SAMMSON: variants seen among roughly 807,000 people sequenced by gnomAD.
SAMMSON encodes survival associated mitochondrial melanoma specific oncogenic non-coding RNA.
intron 4 of SAMMSON, among the ~76,000 whole-genome samples, chr3:70,138,467 A>C (rs961544469): frequency 6.6e-6 from 1 of 152,068 alleles, no homozygotes; most frequent in African/African-American, 2.4e-5. Context: ...TTTTTTTGTA[A>C]TCCCATTCAT....
chr3:70,008,485 T>A (rs1156586355), intron 1 of SAMMSON, among the ~76,000 whole-genome samples: 6 of 152,218 alleles, frequency 3.9e-5, no homozygotes, highest in South Asian at 2.1e-4. Flanking sequence ...TGCACATTGA[T>A]TTTGTATCCT....
At chr3:70,007,400 G>A (rs1409281946) in intron 1 of SAMMSON, among the ~76,000 whole-genome samples, 1 of 152,206 alleles carries the variant, frequency 6.6e-6, no homozygotes, top group Non-Finnish European at 1.5e-5. Context: ...GATGGCCAGT[G>A]ATGATGAGCA....
intron 3 of SAMMSON, among the ~76,000 whole-genome samples, chr3:70,041,958 G>A (rs1268825682): frequency 2.0e-5 from 3 of 152,042 alleles, no homozygotes; most frequent in African/African-American, 7.2e-5. Flanking sequence ...CAATCTACAG[G>A]TTTTGACCCA....
chr3:70,323,928 A>G (rs2106718580), intron 7 of SAMMSON, among the ~76,000 whole-genome samples: 1 of 152,108 alleles, frequency 6.6e-6, no homozygotes, highest in South Asian at 2.1e-4. Context: ...GGCAGGGAGA[A>G]CTGACACAGC....
chr3:70,347,776 C>G (rs574827136), intron 7 of SAMMSON, among the ~76,000 whole-genome samples: 1 of 152,316 alleles, frequency 6.6e-6, no homozygotes, highest in Admixed American at 6.5e-5. Flanking sequence ...GGAGCAGCGG[C>G]TCACTCCTGT....
chr3:70,192,960 C>T (rs6549296), intron 4 of SAMMSON, among the ~76,000 whole-genome samples: 82,389 of 151,962 alleles, frequency 0.54, 22,835 homozygotes, highest in Non-Finnish European at 0.59. Flanking sequence ...CTGTGCCTTA[C>T]GGATGTTTAG....
At chr3:70,235,957 A>G (rs1194464663) in intron 4 of SAMMSON, among the ~76,000 whole-genome samples, 1 of 152,180 alleles carries the variant, frequency 6.6e-6, no homozygotes, top group Non-Finnish European at 1.5e-5. Flanking sequence ...CACCATCATG[A>G]TTCTGTCTTC....
intron 4 of SAMMSON, among the ~76,000 whole-genome samples, chr3:70,180,229 G>A (rs963610314): frequency 2.0e-5 from 3 of 152,132 alleles, no homozygotes; most frequent in Admixed American, 1.3e-4. Flanking sequence ...TAGATAAAAT[G>A]AGTATAGTAA....
intron 3 of SAMMSON, among the ~76,000 whole-genome samples, chr3:70,046,859 GC>G (rs751224181): frequency 6.6e-6 from 1 of 151,972 alleles, no homozygotes; most frequent in Non-Finnish European, 1.5e-5. Context: ...CTCAAAGTCA[GC>G]CCTGTTCATC....
intron 6 of SAMMSON, among the ~76,000 whole-genome samples, chr3:70,255,889 G>C (rs9884082): frequency 6.6e-6 from 1 of 152,182 alleles, no homozygotes; most frequent in Non-Finnish European, 1.5e-5. Flanking sequence ...GGTGCAAACT[G>C]TGTGGATCCT....
chr3:70,013,748 A>C (rs1226794141), intron 3 of SAMMSON: 2 of 152,188 alleles, frequency 1.3e-5, no homozygotes, highest in African/African-American at 4.8e-5. Context: ...TTTTGCATGA[A>C]TTTTTAAGAA....
At chr3:70,149,473 CAA>C (rs1445485629) in intron 4 of SAMMSON, among the ~76,000 whole-genome samples, 1 of 152,022 alleles carries the variant, frequency 6.6e-6, no homozygotes, top group East Asian at 1.9e-4. Flanking sequence ...ATTAAAGATG[CAA>C]ATTATCAGGA....
chr3:70,245,673 A>ATATG (rs1701700097), intron 4 of SAMMSON, among the ~76,000 whole-genome samples: 2 of 50,330 alleles, frequency 4.0e-5, no homozygotes, highest in East Asian at 1.3e-3. Context: ...AAACTGCTTT[A>ATATG]TATATATATA....
At chr3:70,092,471 G>A (rs757718284) in intron 4 of SAMMSON, among the ~76,000 whole-genome samples, 4 of 143,594 alleles carry the variant, frequency 2.8e-5, no homozygotes, top group Non-Finnish European at 4.5e-5. Flanking sequence ...TAAAGCTTTC[G>A]TCTCATTGTT....
intron 3 of SAMMSON, among the ~76,000 whole-genome samples, chr3:70,025,926 A>G (rs1048376085): frequency 2.6e-5 from 4 of 152,166 alleles, no homozygotes; most frequent in African/African-American, 4.8e-5. Context: ...CATCATCTTC[A>G]TATTGAGTAG....
Position 70,241,290 on chromosome 3 carries a change from T to C in SAMMSON, n.508-7817T>C, listed in dbSNP as rs76521307. 1.3e-3 allele frequency among the ~76,000 whole-genome samples: 191 copies of C among 152,242 alleles called. No individual in the cohort carries two copies. The East Asian group carries it at 0.014, about 11-fold the overall frequency. ...GGCAAACATAAAATCAAAAGGCAAA[T>C]TATTGCTGGAACTCATGATAAACAT... On this transcript the variant is annotated intron_variant and non_coding_transcript_variant, in intron 4 of 9. Coordinates refer to ENST00000642114, the Ensembl canonical transcript of SAMMSON.
intron 6 of SAMMSON, among the ~76,000 whole-genome samples, chr3:70,284,005 T>C (rs1005010024): frequency 6.6e-5 from 10 of 152,248 alleles, no homozygotes; most frequent in East Asian, 5.8e-4. Flanking sequence ...AGAAGGGGTT[T>C]CCATGCCTTT....
chr3:70,244,797 C>T (rs143536489), intron 4 of SAMMSON, among the ~76,000 whole-genome samples: 23 of 152,302 alleles, frequency 1.5e-4, no homozygotes, highest in African/African-American at 5.1e-4. Flanking sequence ...CATACACATA[C>T]GTCTCTATGT....
At chr3:70,232,938 C>T (rs1445394199) in intron 4 of SAMMSON, among the ~76,000 whole-genome samples, 1 of 152,066 alleles carries the variant, frequency 6.6e-6, no homozygotes, top group Admixed American at 6.5e-5. Context: ...CCGGTAATCC[C>T]AGCACTTTGG....
Sources: allele counts gnomAD v4.1 joint callset (sites outside exome capture counted in the v4.1 genomes callset), GRCh38; gene constraint gnomAD v4.1.1; transcripts MANE v1.5; gene names NCBI Gene and HGNC (gene_info 2026-07-23, HGNC 2026-07-21).